Variants in PIGF observed in about 807,000 individuals in gnomAD.
PIGF encodes GPI ethanolamine phosphate transferase, stabilizing subunit.
Under a neutral mutation model 26.0 loss-of-function variants are expected in PIGF, and 23 were observed. That is an observed-to-expected ratio of 0.88 (90% CI 0.64 to 1.25). The LOEUF (loss-of-function observed/expected upper bound fraction) is 1.25. Among genes scored for constraint, PIGF ranks in the 50% most tolerant of loss-of-function variants. The pLI, the probability that PIGF is intolerant of heterozygous loss-of-function variation, is 0.00. For missense variants in PIGF, 278 were observed against 249.9 expected (o/e 1.11, Z -0.76); for synonymous variants, 93 against 92.6 (o/e 1.00, Z -0.03).
intron 4 of PIGF, among the ~76,000 whole-genome samples, chr2:46,595,812 TATC>T (rs1383019160): frequency 1.1e-4 from 16 of 152,334 alleles, no homozygotes; most frequent in African/African-American, 3.8e-4. Context: ...TGTGAAATGG[TATC>T]ATGGTGATAG....
chr2:46,601,995 T>C (rs895730580), intron 4 of PIGF, among the ~76,000 whole-genome samples: 2 of 151,776 alleles, frequency 1.3e-5, no homozygotes, highest in East Asian at 1.9e-4. Flanking sequence ...GGGTGTATAG[T>C]AGTCAGATTA....
intron 4 of PIGF, among the ~76,000 whole-genome samples, chr2:46,611,446 T>C (rs1670411492): frequency 6.7e-6 from 1 of 149,566 alleles, no homozygotes; most frequent in Admixed American, 6.7e-5. Flanking sequence ...ATCATGCCAC[T>C]GCACTCCAGC....
intron 1 of PIGF, chr2:46,615,412 A>T (rs1670585081): frequency 3.0e-6 from 1 of 332,106 alleles, no homozygotes; most frequent in African/African-American, 2.1e-5. Flanking sequence ...TAAAAAGAAC[A>T]AATTTACTAA....
chr2:46,612,343 ACCTAG>A lies in PIGF; in HGVS notation c.321-4_321del. 8.4e-7 allele frequency: 1 copy of A among 1,195,144 alleles called. No homozygotes were observed. The allele number at this position is 1,195,144 out of a possible 1,614,324, so 74.0% of individuals were successfully genotyped here. A position where few individuals can be genotyped will look rare whatever the true frequency, so the allele number is the denominator to read the frequency against. ...GCAAATAAAAATGTTTCCAATGCCA[ACCTAG>A]AAAAAAAAAAAGATTACTTTTTAAA... On this transcript the variant is annotated splice_acceptor_variant and splice_polypyrimidine_tract_variant and coding_sequence_variant and intron_variant, in exon 4 of 6. Coordinates refer to ENST00000281382, the MANE Select transcript of PIGF (RefSeq NM_002643.4). LOFTEE classifies it high-confidence loss of function.
At chr2:46,594,849 TTTG>T (rs1669833443) in intron 4 of PIGF, among the ~76,000 whole-genome samples, 1 of 143,464 alleles carries the variant, frequency 7.0e-6, no homozygotes. Flanking sequence ...CGTTTTTTTT[TTTG>T]TTTGTTTTTG....
chr2:46,581,414 A>T lies in PIGF; in HGVS notation c.*64T>A, dbSNP rs1669366760. On this transcript the variant is annotated 3_prime_UTR_variant, in exon 6 of 6. Transcript: ENST00000281382. ...CTGTAAATGGAACTGCTTGGCTTTG[A>T]CCATACACATTTCTGCCCAGCCCTT... is the stretch of plus-strand genomic sequence containing the variant. The T allele has an allele frequency of 2.5e-6, 4 of 1,570,602 alleles. No homozygotes were observed. In the African/African-American group the frequency reaches 5.4e-5, roughly 21 times the overall value.
At chr2:46,598,070 T>G (rs1399338167) in intron 4 of PIGF, among the ~76,000 whole-genome samples, 1 of 152,164 alleles carries the variant, frequency 6.6e-6, no homozygotes, top group Non-Finnish European at 1.5e-5. Context: ...TATCTTTTAA[T>G]TCATTTTGCA....
At chr2:46,603,284 C>T (rs987474848) in intron 4 of PIGF, among the ~76,000 whole-genome samples, 1 of 152,024 alleles carries the variant, frequency 6.6e-6, no homozygotes, top group Admixed American at 6.6e-5. Flanking sequence ...GTCCATACTA[C>T]CCAAAGCAAT....
intron 4 of PIGF, among the ~76,000 whole-genome samples, chr2:46,597,596 G>A (rs1231131329): frequency 2.0e-5 from 3 of 152,110 alleles, no homozygotes; most frequent in African/African-American, 4.8e-5. Context: ...ATTTTTAGTA[G>A]AGATGGGGTT....
At chr2:46,582,999 G>T (rs1005477244) in intron 5 of PIGF, 1 of 151,820 alleles carries the variant, frequency 6.6e-6, no homozygotes, top group African/African-American at 2.4e-5. Context: ...ATTTAATTTT[G>T]GTCTGCTTAT....
intron 5 of PIGF, among the ~76,000 whole-genome samples, chr2:46,585,298 TGA>T (rs1669533994): frequency 6.6e-6 from 1 of 151,154 alleles, no homozygotes; most frequent in South Asian, 2.1e-4. Flanking sequence ...GGCAAGATAG[TGA>T]GAGTTTTTTA....
intron 2 of PIGF, 171 bp from the exon 3 acceptor site, chr2:46,613,956 C>T (rs536454525): frequency 1.3e-5 from 7 of 551,872 alleles, no homozygotes; most frequent in Admixed American, 4.0e-5. Context: ...ACACAGCCTT[C>T]GATACAGACT....
chr2:46,614,632 G>A (rs1670548935), intron 2 of PIGF: 1 of 208,112 alleles, frequency 4.8e-6, no homozygotes, highest in Admixed American at 5.2e-5. Context: ...ATTGAGTAAG[G>A]TTTAAAGATA....
intron 4 of PIGF, 63 bp from the exon 5 acceptor site, chr2:46,592,646 A>G: frequency 1.3e-6 from 1 of 791,038 alleles, no homozygotes; most frequent in Non-Finnish European, 2.3e-6. Flanking sequence ...GAATCCAACA[A>G]GCACTAGCAC....
intron 4 of PIGF, among the ~76,000 whole-genome samples, chr2:46,609,079 T>C (rs1670317517): frequency 6.6e-6 from 1 of 152,262 alleles, no homozygotes; most frequent in Non-Finnish European, 1.5e-5. Context: ...AATAGAAGGC[T>C]GTTTTGTCTA....
chr2:46,587,161 A>C (rs1373176575), intron 5 of PIGF, among the ~76,000 whole-genome samples: 2 of 152,236 alleles, frequency 1.3e-5, no homozygotes, highest in African/African-American at 2.4e-5. Flanking sequence ...GAAACATACA[A>C]ACCATATTCA....
At chr2:46,590,006 T>G (rs887119020) in intron 5 of PIGF, among the ~76,000 whole-genome samples, 16 of 152,202 alleles carry the variant, frequency 1.1e-4, no homozygotes, top group African/African-American at 3.8e-4. Context: ...ATACATTTCA[T>G]AATTTAAAAG....
chr2:46,613,890 A>G, intron 2 of PIGF, 105 bp from the exon 3 acceptor site: 1 of 946,016 alleles, frequency 1.1e-6, no homozygotes, highest in Non-Finnish European at 1.6e-6. Context: ...TGTGTAAAAC[A>G]GTTCAAATGT....
At chr2:46,585,044 G>A (rs1399761095) in intron 5 of PIGF, among the ~76,000 whole-genome samples, 1 of 152,110 alleles carries the variant, frequency 6.6e-6, no homozygotes, top group Non-Finnish European at 1.5e-5. Context: ...ATACAGACAT[G>A]TTTCTATTCA....
Sources: allele counts gnomAD v4.1 joint callset (sites outside exome capture counted in the v4.1 genomes callset), GRCh38; gene constraint gnomAD v4.1.1; transcripts MANE v1.5; gene names NCBI Gene and HGNC (gene_info 2026-07-23, HGNC 2026-07-21).